SYN3: variants seen among roughly 807,000 people sequenced by gnomAD.
SYN3 encodes the protein synapsin III, also known as synapsin-3.
Under a neutral mutation model 65.8 loss-of-function variants are expected in SYN3, and 35 were observed. The observed-to-expected ratio is 0.53, with a 90% CI of 0.41 to 0.70. The LOEUF is 0.70. SYN3 is among the 30% of genes least tolerant of loss of function. The probability of loss-of-function intolerance (pLI) is 0.00; values close to 1 mark genes in which losing one functional copy is unlikely to be tolerated. For synonymous variants in SYN3, 270 were observed against 292.9 expected, an observed-to-expected ratio of 0.92 and a Z score of 0.80; for missense variants, 680 against 749.0, an observed-to-expected ratio of 0.91 and a Z score of 1.08.
chr22:32,513,549 C>T lies in SYN3; in HGVS notation c.*143G>A, dbSNP rs903297666. ...GAAAATGGGAACAAATATAGATAAT[C>T]GGTTCCTGGGTCAAAGGCATTTAGA... On this transcript the variant is annotated 3_prime_UTR_variant, in exon 14 of 14. Coordinates refer to ENST00000358763, the MANE Select transcript of SYN3 (RefSeq NM_003490.4). The T allele has an allele frequency of 1.8e-4, 193 of 1,089,082 alleles. No individual in the cohort carries two copies. Among genetic ancestry groups the T allele is most frequent in the Admixed American group, 8.1e-4 (35 of 43,006 alleles). 67.5% of individuals were successfully genotyped at this position (1,089,082 alleles called of 1,614,324 possible). A position where few individuals can be genotyped will look rare whatever the true frequency, so the allele number is the denominator to read the frequency against.
chr22:32,849,367 G>T, intron 6 of SYN3: 1 of 1,163,356 alleles, frequency 8.6e-7, no homozygotes, highest in Non-Finnish European at 1.3e-6. Context: ...AGGCTCCACA[G>T]AGGCTAGCGT....
intron 6 of SYN3, among the ~76,000 whole-genome samples, chr22:32,659,056 T>A (rs4821082): frequency 2.0e-5 from 3 of 151,894 alleles, no homozygotes; most frequent in African/African-American, 4.8e-5. Context: ...AGTGATTTCC[T>A]TAAGGTCACA....
chr22:32,527,882 G>A, intron 12 of SYN3, 36 bp downstream of exon 12: 1 of 1,552,866 alleles, frequency 6.4e-7, no homozygotes. Context: ...CACCCTCACT[G>A]CATGCTTTCT....
At chr22:32,951,829 T>C (rs1317776156) in intron 3 of SYN3, among the ~76,000 whole-genome samples, 2 of 152,178 alleles carry the variant, frequency 1.3e-5, no homozygotes, top group South Asian at 2.1e-4. Flanking sequence ...GTCGCCCTTG[T>C]CTTTCACCTT....
intron 6 of SYN3, among the ~76,000 whole-genome samples, chr22:32,627,252 G>C (rs948448487): frequency 2.1e-4 from 32 of 152,280 alleles, no homozygotes; most frequent in African/African-American, 7.7e-4. Context: ...CACAGGAAGG[G>C]CTGCGTTTTT....
chr22:32,774,246 G>C (rs1442459202), intron 6 of SYN3, among the ~76,000 whole-genome samples: 1 of 152,140 alleles, frequency 6.6e-6, no homozygotes, highest in Non-Finnish European at 1.5e-5. Context: ...TTTGGAAATA[G>C]GGTCTTTGCA....
At chr22:32,611,120 G>A (rs2059436345) in intron 6 of SYN3, among the ~76,000 whole-genome samples, 1 of 152,048 alleles carries the variant, frequency 6.6e-6, no homozygotes, top group African/African-American at 2.4e-5. Flanking sequence ...TACCTAACTG[G>A]GCAGCTCATG....
chr22:32,961,172 T>A (rs957388580), intron 3 of SYN3, among the ~76,000 whole-genome samples: 1 of 152,114 alleles, frequency 6.6e-6, no homozygotes, highest in African/African-American at 2.4e-5. Context: ...TGTCAGGAGA[T>A]CTCCCCTGTT....
intron 4 of SYN3, among the ~76,000 whole-genome samples, chr22:32,900,807 AT>A (rs1026566897): frequency 3.9e-5 from 6 of 152,094 alleles, no homozygotes; most frequent in Non-Finnish European, 8.8e-5. Context: ...TTTATTTAGC[AT>A]TTTTTTCTGG....
In SYN3 at chr22:32,604,008, G is replaced by C. The variant is rs551048130; in HGVS notation, c.712-7272C>G. ...TCGGGGTAGCCCAGTGCCTATGCTG[G>C]GTGTTCCCTTGGGAGGATTAGAGAT... On this transcript the variant is annotated intron_variant, in intron 6 of 13. Transcript: ENST00000358763. Among the ~76,000 whole-genome samples the C allele has an allele frequency of 2.6e-5, 4 of 152,304 alleles. No individual in the cohort carries two copies. In the South Asian group the frequency reaches 8.3e-4, roughly 32 times the overall value.
chr22:32,937,559 G>A (rs528848134), intron 3 of SYN3, among the ~76,000 whole-genome samples: 4 of 152,310 alleles, frequency 2.6e-5, no homozygotes, highest in Admixed American at 2.6e-4. Context: ...GAGAGAGAGA[G>A]AGCAAAGGGG....
intron 6 of SYN3, among the ~76,000 whole-genome samples, chr22:32,797,843 G>A (rs973942472): frequency 2.2e-4 from 33 of 152,308 alleles, no homozygotes; most frequent in African/African-American, 7.5e-4. Context: ...ATTCCCCATG[G>A]AATCTTGGAG....
chr22:32,530,596 C>G (rs907658333), intron 10 of SYN3, among the ~76,000 whole-genome samples: 2 of 123,854 alleles, frequency 1.6e-5, no homozygotes, highest in Non-Finnish European at 1.7e-5. Flanking sequence ...TTTTTTTTTT[C>G]TCAACAGTGA....
chr22:32,538,005 T>G (rs1271962534), intron 9 of SYN3, 31 bp downstream of exon 9: 14 of 1,603,792 alleles, frequency 8.7e-6, no homozygotes, highest in Non-Finnish European at 1.1e-5. Context: ...CTATGGCCAG[T>G]GCCTCTCCCT....
intron 6 of SYN3, among the ~76,000 whole-genome samples, chr22:32,733,828 G>A (rs1019325418): frequency 1.3e-5 from 2 of 152,244 alleles, no homozygotes; most frequent in African/African-American, 4.8e-5. Context: ...TGAGGTAATG[G>A]GCAGTGGCCT....
At chr22:32,865,093 C>A in intron 5 of SYN3, 89 bp from the exon 6 acceptor site, 1 of 1,056,282 alleles carries the variant, frequency 9.5e-7, no homozygotes, top group Non-Finnish European at 1.5e-6. Context: ...AAGCATCTGA[C>A]TGTTCTGAGC....
chr22:32,535,810 A>T (rs1012664852), intron 9 of SYN3, among the ~76,000 whole-genome samples: 1 of 151,528 alleles, frequency 6.6e-6, no homozygotes, highest in Non-Finnish European at 1.5e-5. Flanking sequence ...CCCTCCTGCC[A>T]GGTGGGACTA....
Position 32,556,803 on chromosome 22 carries a change from G to GTTTTTTTTTTTTTTTTTTTTTTTTTTTTT in SYN3, c.775-15091_775-15090insAAAAAAAAAAAAAAAAAAAAAAAAAAAAA, listed in dbSNP as rs1491135400. ...CAATGACCCAATCTATAGGTTTCCT[G>GTTTTTTTTTTTTTTTTTTTTTTTTTTTTT]GTTTTTTTTTTTTTTTTTTTTTTTT... is the stretch of plus-strand genomic sequence containing the variant. On this transcript the variant is annotated intron_variant, in intron 7 of 13. Transcript: ENST00000358763. 2.3e-4 allele frequency among the ~76,000 whole-genome samples: 8 copies of GTTTTTTTTTTTTTTTTTTTTTTTTTTTTT among 35,262 alleles called. 4 individuals carry two copies. Among genetic ancestry groups the GTTTTTTTTTTTTTTTTTTTTTTTTTTTTT allele is most frequent in the African/African-American group, 3.8e-4 (4 of 10,522 alleles). The allele number at this position is 35,262 out of a possible 152,430, so 23.1% of individuals were successfully genotyped here.
intron 6 of SYN3, among the ~76,000 whole-genome samples, chr22:32,654,463 C>T (rs1282358366): frequency 6.6e-6 from 1 of 152,220 alleles, no homozygotes; most frequent in Non-Finnish European, 1.5e-5. Context: ...TGGCCCCAGC[C>T]TTATCTTCTG....
Sources: gnomAD v4.1 joint callset for allele counts (sites outside exome capture counted in the v4.1 genomes callset) on GRCh38, gnomAD v4.1.1 for gene constraint, MANE v1.5 for transcripts, NCBI Gene and HGNC (gene_info 2026-07-23, HGNC 2026-07-21) for gene names.